Variants in CA10 observed in about 807,000 individuals in gnomAD.
CA10 encodes carbonic anhydrase-related protein 10.
CA10 carries 14 observed loss-of-function variants against 44.2 expected under a neutral mutation model. That is an observed-to-expected ratio of 0.32 (90% CI 0.21 to 0.50). The LOEUF (loss-of-function observed/expected upper bound fraction) is 0.50. Ranked by LOEUF, CA10 falls within the 20% of genes least tolerant of loss-of-function variation. The pLI, the probability that CA10 is intolerant of heterozygous loss-of-function variation, is 0.99. For missense variants in CA10, 350 were observed against 409.7 expected (o/e 0.85, Z 1.26); for synonymous variants, 159 against 141.6 (o/e 1.12, Z -0.87).
At chr17:51,890,718 G>A (rs1311905168) in intron 3 of CA10, among the ~76,000 whole-genome samples, 1 of 152,058 alleles carries the variant, frequency 6.6e-6, no homozygotes, top group Non-Finnish European at 1.5e-5. Context: ...AATATTTATT[G>A]GGTCACTAGT....
At chr17:51,833,743 T>G (rs1219464419) in intron 3 of CA10, among the ~76,000 whole-genome samples, 3 of 152,194 alleles carry the variant, frequency 2.0e-5, no homozygotes, top group Non-Finnish European at 2.9e-5. Flanking sequence ...ATATATATAT[T>G]AGAAAGCAAC....
intron 3 of CA10, among the ~76,000 whole-genome samples, chr17:51,823,534 G>A (rs533886279): frequency 6.6e-6 from 1 of 152,346 alleles, no homozygotes; most frequent in African/African-American, 2.4e-5. Flanking sequence ...GAAGGAACAG[G>A]ATGAAGCCTA....
chr17:51,747,495 T>C (rs937859637), intron 4 of CA10, 138 bp downstream of exon 4: 2 of 666,698 alleles, frequency 3.0e-6, no homozygotes, highest in South Asian at 2.8e-5. Context: ...AAAAGACAGA[T>C]GGAGAAAGAA....
chr17:51,745,571 T>C (rs1904649309), intron 4 of CA10, among the ~76,000 whole-genome samples: 1 of 151,608 alleles, frequency 6.6e-6, no homozygotes, highest in African/African-American at 2.4e-5. Flanking sequence ...GGAAAATTCA[T>C]ACACTAAGAG....
chr17:52,045,181 C>A (rs1986878109), intron 2 of CA10, among the ~76,000 whole-genome samples: 1 of 150,870 alleles, frequency 6.6e-6, no homozygotes, highest in Admixed American at 6.6e-5. Flanking sequence ...GAAAACCAAC[C>A]ATCAACCTAC....
chr17:51,649,337 A>G lies in CA10; in HGVS notation c.562-83T>C, dbSNP rs188012416. 7.4e-4 allele frequency: 747 copies of G among 1,009,742 alleles called. 2 individuals carry two copies. The highest frequency in any genetic ancestry group is 5.2e-3 in the African/African-American group (331 of 63,288). 62.5% of individuals were successfully genotyped at this position (1,009,742 alleles called of 1,614,324 possible). On this transcript the variant is annotated intron_variant, in intron 5 of 8. Coordinates refer to ENST00000451037, the MANE Select transcript of CA10 (RefSeq NM_020178.5). ...CCCCGTGACATTCACTTATTCATTC[A>G]TAGTTACTGAGTATCTACCATGAGC...
chr17:52,141,211 T>A (rs1448359958), intron 1 of CA10, among the ~76,000 whole-genome samples: 1 of 152,124 alleles, frequency 6.6e-6, no homozygotes, highest in African/African-American at 2.4e-5. Flanking sequence ...TACTCTAAGC[T>A]CCTCTGAGAG....
chr17:51,841,600 T>G (rs1978320242), intron 3 of CA10, among the ~76,000 whole-genome samples: 1 of 152,178 alleles, frequency 6.6e-6, no homozygotes, highest in African/African-American at 2.4e-5. Flanking sequence ...TCATTTCACT[T>G]CAAAGAAACC....
chr17:51,803,983 G>A (rs1357487370), intron 3 of CA10, among the ~76,000 whole-genome samples: 1 of 152,156 alleles, frequency 6.6e-6, no homozygotes, highest in Non-Finnish European at 1.5e-5. Context: ...GATACTCACT[G>A]GCCGTGTGAT....
At chr17:51,978,288 T>C (rs1984529129) in intron 2 of CA10, among the ~76,000 whole-genome samples, 1 of 151,996 alleles carries the variant, frequency 6.6e-6, no homozygotes, top group Non-Finnish European at 1.5e-5. Flanking sequence ...TAGTGAGGTA[T>C]TCACATTAAT....
chr17:51,863,088 C>T (rs1212605691), intron 3 of CA10, among the ~76,000 whole-genome samples: 1 of 152,164 alleles, frequency 6.6e-6, no homozygotes, highest in Admixed American at 6.5e-5. Flanking sequence ...ATCTCATTTA[C>T]TTCACTGGAA....
At chr17:51,733,953 T>C (rs4793721) in intron 4 of CA10, among the ~76,000 whole-genome samples, 60,647 of 151,722 alleles carry the variant, frequency 0.4, 12,709 homozygotes, top group Middle Eastern at 0.5. Flanking sequence ...GCGTTTTACC[T>C]GGGAGGTGCA....
chr17:52,015,503 C>T (rs895909421), intron 2 of CA10, among the ~76,000 whole-genome samples: 6 of 152,062 alleles, frequency 3.9e-5, no homozygotes, highest in Non-Finnish European at 8.8e-5. Flanking sequence ...ATAGCTAGAT[C>T]TTGAATGAAC....
intron 4 of CA10, among the ~76,000 whole-genome samples, chr17:51,668,557 A>C (rs1233549322): frequency 6.6e-6 from 1 of 152,180 alleles, no homozygotes; most frequent in Non-Finnish European, 1.5e-5. Flanking sequence ...CGATCTGTAG[A>C]CTTGGTCAAG....
At chr17:51,810,690 C>G (rs1471918401) in intron 3 of CA10, among the ~76,000 whole-genome samples, 1 of 152,070 alleles carries the variant, frequency 6.6e-6, no homozygotes, top group East Asian at 1.9e-4. Flanking sequence ...ATCAAATCAG[C>G]ATTTAAAAAA....
At chr17:51,910,084 T>A (rs759874734) in intron 3 of CA10, among the ~76,000 whole-genome samples, 3 of 152,036 alleles carry the variant, frequency 2.0e-5, no homozygotes, top group African/African-American at 4.8e-5. Flanking sequence ...AGATGCACCA[T>A]GAGAAGCAGG....
chr17:51,708,441 A>G (rs1567811609), intron 4 of CA10, among the ~76,000 whole-genome samples: 1 of 152,228 alleles, frequency 6.6e-6, no homozygotes. Flanking sequence ...CATGTTGAGG[A>G]ACTCAAAGTA....
At chr17:52,124,926 T>A (rs574650623) in intron 1 of CA10, among the ~76,000 whole-genome samples, 3 of 152,340 alleles carry the variant, frequency 2.0e-5, no homozygotes, top group Admixed American at 6.5e-5. Context: ...CCCTTCATGA[T>A]CTAGATCTTG....
intron 2 of CA10, among the ~76,000 whole-genome samples, chr17:52,069,968 G>A (rs889855093): frequency 1.3e-5 from 2 of 152,148 alleles, no homozygotes; most frequent in African/African-American, 4.8e-5. Context: ...TAACTTTATA[G>A]TCAAGTAATA....
Sources: allele counts gnomAD v4.1 joint callset (sites outside exome capture counted in the v4.1 genomes callset), GRCh38; gene constraint gnomAD v4.1.1; transcripts MANE v1.5; gene names NCBI Gene and HGNC (gene_info 2026-07-23, HGNC 2026-07-21).